SCN8A: variants seen among roughly 807,000 people sequenced by gnomAD.
SCN8A encodes the protein sodium channel protein type 8 subunit alpha.
Under a neutral mutation model 184.1 loss-of-function variants are expected in SCN8A, and 30 were observed. That is an observed-to-expected ratio of 0.16 (90% CI 0.12 to 0.22). SCN8A has a LOEUF of 0.22. Among genes scored for constraint, SCN8A ranks in the 10% least tolerant of loss-of-function variants. The probability of loss-of-function intolerance (pLI) is 1.00; values close to 1 mark genes in which losing one functional copy is unlikely to be tolerated. For synonymous variants in SCN8A, 852 were observed against 907.0 expected (o/e 0.94, Z 1.09); for missense variants, 1,057 against 2,498.9 (o/e 0.42, Z 12.30).
intron 2 of SCN8A, among the ~76,000 whole-genome samples, chr12:51,678,146 C>A (rs1208778339): frequency 6.6e-6 from 1 of 152,194 alleles, no homozygotes; most frequent in Non-Finnish European, 1.5e-5. Context: ...ATACATATAT[C>A]TCTCTCAAAG....
In SCN8A at chr12:51,768,936, T is replaced by A; in HGVS notation, c.2973T>A (p.Asp991Glu). ...ACAACCTGGCTGCCACAGATGACGATGGGGAAATGAACAACCTCCAGATCT... is the reference window on the plus strand; with the variant it reads ...ACAACCTGGCTGCCACAGATGACGAAGGGGAAATGAACAACCTCCAGATCT... ...SADNLAATDD[D>E]GEMNNLQISV... Residue 991 changes from aspartate to glutamate, a missense_variant, in exon 17 of 27, where the codon GAT becomes GAA. Physicochemically the swap from Asp to Glu is conservative, Grantham distance 45 (BLOSUM62 2). Coordinates refer to ENST00000627620, the MANE Select transcript of SCN8A (RefSeq NM_001330260.2). The A allele has an allele frequency of 6.2e-7, 1 of 1,605,860 alleles. No homozygotes were observed. Among genetic ancestry groups the A allele is most frequent in the African/African-American group, 1.3e-5 (1 of 74,864 alleles).
chr12:51,717,976 A>G (rs886391287), intron 11 of SCN8A, among the ~76,000 whole-genome samples: 2 of 152,244 alleles, frequency 1.3e-5, no homozygotes, highest in African/African-American at 4.8e-5. Context: ...GGAAAAGCCT[A>G]CATAACACGT....
chr12:51,780,375 T>G, intron 20 of SCN8A: 1 of 342,110 alleles, frequency 2.9e-6, no homozygotes, highest in African/African-American at 2.2e-5. Flanking sequence ...GTGTGTATGT[T>G]CTACCGCCTT....
At chr12:51,688,372 T>C (rs751401755) in intron 5 of SCN8A, among the ~76,000 whole-genome samples, 3 of 152,230 alleles carry the variant, frequency 2.0e-5, no homozygotes, top group Non-Finnish European at 2.9e-5. Flanking sequence ...GTAGATTTGT[T>C]TTTGTGGGGC....
intron 14 of SCN8A, among the ~76,000 whole-genome samples, chr12:51,752,043 C>T (rs1375276204): frequency 6.6e-6 from 1 of 152,100 alleles, no homozygotes; most frequent in Non-Finnish European, 1.5e-5. Flanking sequence ...CTCTGTCAGG[C>T]CTTAATTACC....
intron 12 of SCN8A, 134 bp from the exon 13 acceptor site, chr12:51,745,769 A>C (rs1942499805): frequency 1.4e-5 from 8 of 562,614 alleles, no homozygotes; most frequent in Non-Finnish European, 1.9e-5. Context: ...TACTTCTTGA[A>C]GTGAATAGGA....
chr12:51,739,288 C>T (rs960207151), intron 12 of SCN8A, among the ~76,000 whole-genome samples: 8 of 152,078 alleles, frequency 5.3e-5, no homozygotes, highest in African/African-American at 1.9e-4. Context: ...ATCACCCTCT[C>T]GTATAGCTTG....
chr12:51,612,956 C>T (rs1939754065), intron 1 of SCN8A, among the ~76,000 whole-genome samples: 3 of 152,112 alleles, frequency 2.0e-5, no homozygotes, highest in African/African-American at 7.2e-5. Flanking sequence ...CTCCTGACAT[C>T]CCGTGATCCA....
intron 16 of SCN8A, 90 bp from the exon 17 acceptor site, chr12:51,768,775 C>A: frequency 1.0e-6 from 1 of 988,062 alleles, no homozygotes; most frequent in Non-Finnish European, 1.5e-6. Context: ...GAGTCTGTCA[C>A]GTGAAGTCCA....
chr12:51,702,810 A>C lies in SCN8A; in HGVS notation c.1030A>C (p.Arg344=), dbSNP rs775362125. The C allele has an allele frequency of 1.9e-6, 3 of 1,610,162 alleles. No individual in the cohort carries two copies. The highest frequency in any genetic ancestry group is 2.5e-6 in the Non-Finnish European group (3 of 1,178,100). ...PEGYQCMKAG[R]NPNYGYTSFD... ...GGGATACCAGTGTATGAAAGCAGGA[A>C]GGAACCCCAACTATGGTTACACAAG... Residue 344 remains arginine, a synonymous_variant, in exon 9 of 27, where the codon AGG becomes CGG. Transcript: ENST00000627620.
At chr12:51,628,047 G>A (rs1337421963) in intron 1 of SCN8A, among the ~76,000 whole-genome samples, 1 of 152,166 alleles carries the variant, frequency 6.6e-6, no homozygotes, top group Non-Finnish European at 1.5e-5. Context: ...AGATCATCAT[G>A]GAATGGAGTT....
intron 12 of SCN8A, among the ~76,000 whole-genome samples, chr12:51,739,964 A>G (rs1396897942): frequency 6.6e-6 from 1 of 152,282 alleles, no homozygotes; most frequent in Non-Finnish European, 1.5e-5. Flanking sequence ...TAAATTAACT[A>G]AAAGTATCCC....
intron 2 of SCN8A, among the ~76,000 whole-genome samples, chr12:51,678,817 C>T (rs1941271353): frequency 6.6e-6 from 1 of 152,142 alleles, no homozygotes; most frequent in Non-Finnish European, 1.5e-5. Flanking sequence ...GTGGCTCACG[C>T]CTGTAATCCC....
rs763424705 is a variant in SCN8A, at chr12:51,769,222, A to T, written c.3259A>T (p.Ile1087Phe). ...YIIDEDHMSF[I>F]NNPNLTVRVP... Reference sequence around the variant, plus strand: ...CATTGATGAGGACCACATGTCCTTCATCAACAACCCCAACTTGACTGTACG... The same window carrying T: ...CATTGATGAGGACCACATGTCCTTCTTCAACAACCCCAACTTGACTGTACG... The change falls in exon 17 of 27, where the codon ATC becomes TTC. Residue 1087 changes from isoleucine (I) to phenylalanine (F), a missense_variant. By Grantham distance (21) the Ile-to-Phe change is conservative. Coordinates refer to ENST00000627620, the MANE Select transcript of SCN8A (RefSeq NM_001330260.2). 2 of 1,613,936 alleles carry T rather than the reference A, an allele frequency of 1.2e-6. No individual in the cohort carries two copies. Among genetic ancestry groups the T allele is most frequent in the African/African-American group, 1.3e-5 (1 of 74,946 alleles).
At chr12:51,770,375 C>G (rs1171845154) in intron 18 of SCN8A, 154 bp from the exon 19 acceptor site, 1 of 858,214 alleles carries the variant, frequency 1.2e-6, no homozygotes, top group South Asian at 1.9e-5. Context: ...GCCCTGCCAC[C>G]CTCTCCATTT....
Position 51,703,594 on chromosome 12 carries a change from A to G in SCN8A, c.1134+680A>G, listed in dbSNP as rs1592391055. On this transcript the variant is annotated intron_variant, in intron 9 of 26. Transcript: ENST00000627620. ...TACAGATAAAAATAAGGTCAGTAAC[A>G]TTCTGTTGGGCTACACTGGTGACTC... 2.0e-5 allele frequency among the ~76,000 whole-genome samples: 3 copies of G among 152,346 alleles called. No individual in the cohort carries two copies. The Middle Eastern group carries it at 0.01, about 522-fold the overall frequency.
chr12:51,763,752 G>A (rs762703286), intron 15 of SCN8A, among the ~76,000 whole-genome samples: 4 of 152,188 alleles, frequency 2.6e-5, no homozygotes, highest in Non-Finnish European at 5.9e-5. Context: ...TATCCTGGGG[G>A]TATCCCACTC....
intron 1 of SCN8A, among the ~76,000 whole-genome samples, chr12:51,662,209 A>T (rs1279744119): frequency 1.3e-5 from 2 of 152,268 alleles, no homozygotes; most frequent in African/African-American, 4.8e-5. Flanking sequence ...ATTGAAAAAT[A>T]ACTTGAAATG....
At chr12:51,758,984 A>ATGTGTGTGTG (rs199584412) in intron 14 of SCN8A, among the ~76,000 whole-genome samples, 1 of 149,988 alleles carries the variant, frequency 6.7e-6, no homozygotes, top group African/African-American at 2.5e-5. Flanking sequence ...ATGTATGTAT[A>ATGTGTGTGTG]TGTGTGTGTG....
Sources: allele counts gnomAD v4.1 joint callset (sites outside exome capture counted in the v4.1 genomes callset), GRCh38; gene constraint gnomAD v4.1.1; transcripts MANE v1.5; gene names NCBI Gene and HGNC (gene_info 2026-07-23, HGNC 2026-07-21).